The following FCRL5 variants were observed in gnomAD, a reference collection of about 807,000 sequenced individuals.
The protein encoded by FCRL5 is Fc receptor-like protein 5.
A neutral mutation model predicts 92.1 loss-of-function variants in FCRL5; 79 were observed. That is an observed-to-expected ratio of 0.86 (90% confidence interval 0.72 to 1.03). FCRL5 has a LOEUF of 1.03. FCRL5 is among the 50% of genes least tolerant of loss of function. The pLI is 0.00. For synonymous variants in FCRL5, 466 were observed against 469.3 expected, an observed-to-expected ratio of 0.99 and a Z score of 0.09; for missense variants, 1,160 against 1,181.1, an observed-to-expected ratio of 0.98 and a Z score of 0.26.
intron 8 of FCRL5, chr1:157,532,265 C>G (rs1650734471): frequency 6.6e-6 from 1 of 151,946 alleles, no homozygotes; most frequent in African/African-American, 2.4e-5. Flanking sequence ...CTTGCGCCAC[C>G]CAAAGAATTC....
In FCRL5 at chr1:157,544,233, A is replaced by C; in HGVS notation, c.844+29T>G. ...GTCCCACTTTTCCAGCCCTCTCTGC[A>C]GCAAATCTCAGGTTCCACCAACACT... is the stretch of plus-strand genomic sequence containing the variant. On this transcript the variant is annotated intron_variant, in intron 5 of 16. Transcript: ENST00000361835. The C allele has an allele frequency of 3.1e-6, 5 of 1,609,046 alleles. No homozygotes were observed. The South Asian group carries it at 5.5e-5, about 18-fold the overall frequency.
intron 4 of FCRL5, 113 bp from the exon 5 acceptor site, chr1:157,544,659 G>A: frequency 7.0e-6 from 10 of 1,428,512 alleles, no homozygotes; most frequent in Non-Finnish European, 9.7e-6. Flanking sequence ...GAATGCCATT[G>A]ATCCCTAGCT....
rs139651933 is a variant in FCRL5, at chr1:157,520,473, C to T, written c.2590G>A (p.Ala864Thr). ...CAGCAGTAGAGCAGCAGTGCCCCCGCAGCAAGGCCTGCTATGCTGAGCAGG... is the reference window on the plus strand; with the variant it reads ...CAGCAGTAGAGCAGCAGTGCCCCCGTAGCAAGGCCTGCTATGCTGAGCAGG... ...GGLLSIAGLA[A>T]GALLLYCWLS... The change falls in exon 12 of 17, where the codon GCG becomes ACG. Residue 864 changes from alanine (A) to threonine (T), a missense_variant. By Grantham distance (58) the Ala-to-Thr change is moderately conservative. Transcript: ENST00000361835. 3.2e-5 allele frequency: 51 copies of T among 1,574,332 alleles called. No individual in the cohort carries two copies. Among genetic ancestry groups the T allele is most frequent in the Admixed American group, 1.8e-4 (10 of 54,414 alleles).
intron 1 of FCRL5, 49 bp downstream of exon 1, chr1:157,552,283 G>A: frequency 6.3e-7 from 1 of 1,593,746 alleles, no homozygotes; most frequent in Non-Finnish European, 8.6e-7. Flanking sequence ...GGTGGAGAGA[G>A]AAGCTGTCCC....
intron 15 of FCRL5, among the ~76,000 whole-genome samples, chr1:157,516,466 A>G (rs1649938594): frequency 6.6e-6 from 1 of 152,186 alleles, no homozygotes; most frequent in Non-Finnish European, 1.5e-5. Flanking sequence ...AGCAGTTTCT[A>G]TGTGTCAGGT....
intron 6 of FCRL5, among the ~76,000 whole-genome samples, chr1:157,540,956 C>A (rs981953038): frequency 1.3e-5 from 2 of 152,106 alleles, no homozygotes; most frequent in Non-Finnish European, 2.9e-5. Context: ...ATGCTGAGGC[C>A]CCGAGTGGGT....
Position 157,527,784 on chromosome 1 carries a change from T to C in FCRL5, c.1793A>G (p.Tyr598Cys). 6.2e-7 allele frequency: 1 copy of C among 1,613,988 alleles called. No homozygotes were observed. The highest frequency in any genetic ancestry group is 8.5e-7 in the Non-Finnish European group (1 of 1,179,966). The change falls in exon 9 of 17, where the codon TAC (tyrosine) becomes TGC (cysteine). Residue 598 changes from tyrosine to cysteine, a missense_variant. Transcript: ENST00000361835. ...GGTGACATCCTCATGATAAAACCAG[T>C]ACAGGATTGGGGGAGAGCCTCTCGG... ...EAPRGSPPIL[Y>C]WFYHEDVTLG...
intron 8 of FCRL5, 143 bp from the exon 9 acceptor site, chr1:157,528,038 C>T: frequency 1.0e-6 from 1 of 952,976 alleles, no homozygotes; most frequent in South Asian, 2.3e-5. Context: ...TTGCTGTTCA[C>T]TGATGACATG....
At position 157,513,693 on chromosome 1, in the gene FCRL5, C is replaced by T. The variant is rs868697473; in HGVS notation, c.*1982G>A. The stretch of plus-strand genomic sequence containing the variant: ...GGGTGGAGTTTGTTCTGCCACTGTG[C>T]AGTTATCATTCTGGGATGGGGGTAC... On this transcript the variant is annotated 3_prime_UTR_variant, in exon 17 of 17. Coordinates refer to ENST00000361835, the MANE Select transcript of FCRL5 (RefSeq NM_031281.3). The T allele has an allele frequency of 5.9e-5, 9 of 152,218 alleles. No individual in the cohort carries two copies. The highest frequency in any genetic ancestry group is 1.0e-4 in the Non-Finnish European group (7 of 68,024). The allele number at this position is 152,218 out of a possible 1,614,324, so 9.4% of individuals were successfully genotyped here.
intron 10 of FCRL5, 67 bp from the exon 11 acceptor site, chr1:157,521,359 C>G: frequency 4.0e-6 from 6 of 1,497,362 alleles, no homozygotes; most frequent in Non-Finnish European, 5.3e-6. Flanking sequence ...CAAAAGGTAT[C>G]ATAAACAAAT....
At position 157,543,051 on chromosome 1, in the gene FCRL5, G is replaced by T; in HGVS notation, c.931C>A (p.Gln311Lys). Residue 311 changes from glutamine to lysine, a missense_variant, in exon 6 of 17, where the codon CAG (glutamine) becomes AAG (lysine). Transcript: ENST00000361835. ...TACAAAGTGCGCAGAGAATCTTCCT[G>T]GGTTTCACAGTGAAGTGTCACCTTG... ...GTKVTLHCET[Q>K]EDSLRTLYRF... 1 of 1,614,202 alleles carries T rather than the reference G, an allele frequency of 6.2e-7. No individual in the cohort carries two copies. Among genetic ancestry groups the T allele is most frequent in the Middle Eastern group, 1.7e-4 (1 of 6,058 alleles).
At chr1:157,518,632 C>T in intron 14 of FCRL5, 68 bp downstream of exon 14, 1 of 1,505,762 alleles carries the variant, frequency 6.6e-7, no homozygotes. Flanking sequence ...CCCTCCCCAT[C>T]TCCTGCCCCA....
chr1:157,537,486 G>T (rs575017450), intron 7 of FCRL5, among the ~76,000 whole-genome samples: 1 of 152,130 alleles, frequency 6.6e-6, no homozygotes, highest in Non-Finnish European at 1.5e-5. Context: ...ATGCGTGCCC[G>T]AAGCTTCATT....
intron 3 of FCRL5, among the ~76,000 whole-genome samples, chr1:157,546,469 C>CCAAACCAAACCAAACCAAAG (rs1219906556): frequency 1.3e-5 from 2 of 151,556 alleles, no homozygotes; most frequent in East Asian, 3.9e-4. Flanking sequence ...CCAAACCAAA[C>CCAAACCAAACCAAACCAAAG]CAAACCAAAC....
intron 15 of FCRL5, among the ~76,000 whole-genome samples, chr1:157,516,655 A>G (rs1174851511): frequency 6.6e-6 from 1 of 152,262 alleles, no homozygotes; most frequent in Non-Finnish European, 1.5e-5. Flanking sequence ...TATTCAGCAC[A>G]TGATAGATAT....
intron 8 of FCRL5, among the ~76,000 whole-genome samples, chr1:157,530,979 G>A (rs943548347): frequency 3.9e-5 from 6 of 152,008 alleles, no homozygotes; most frequent in African/African-American, 1.2e-4. Flanking sequence ...TAGACAAATG[G>A]GATTACATCA....
chr1:157,520,094 C>T (rs1650107797), intron 12 of FCRL5, among the ~76,000 whole-genome samples: 4 of 152,120 alleles, frequency 2.6e-5, no homozygotes, highest in Admixed American at 6.5e-5. Context: ...TGAATCCTAT[C>T]TGGTTTCTAT....
At chr1:157,524,244 C>A (rs1474814106) in intron 10 of FCRL5, 35 bp downstream of exon 10, 1 of 1,611,884 alleles carries the variant, frequency 6.2e-7, no homozygotes, top group East Asian at 2.2e-5. Context: ...ACAGTCAGTT[C>A]TCAGATGTGC....
chr1:157,541,644 A>T (rs763855369), intron 6 of FCRL5, among the ~76,000 whole-genome samples: 1 of 151,894 alleles, frequency 6.6e-6, no homozygotes, highest in Admixed American at 6.6e-5. Context: ...TCACTTCCCA[A>T]CTCAGATTGG....
Sources: gnomAD v4.1 joint callset for allele counts (sites outside exome capture counted in the v4.1 genomes callset) on GRCh38, gnomAD v4.1.1 for gene constraint, MANE v1.5 for transcripts, NCBI Gene and HGNC (gene_info 2026-07-23, HGNC 2026-07-21) for gene names.